The following USP8 variants were observed in gnomAD, a reference collection of about 807,000 sequenced individuals.
USP8 encodes ubiquitin carboxyl-terminal hydrolase 8.
Under a neutral mutation model 130.0 loss-of-function variants are expected in USP8, and 27 were observed. The ratio of observed to expected loss-of-function variants is 0.21; its 90% confidence interval spans 0.15 to 0.29. USP8 has a LOEUF of 0.29. Ranked by LOEUF, USP8 falls within the 10% of genes least tolerant of loss-of-function variation. The probability of loss-of-function intolerance (pLI) is 1.00; values close to 1 mark genes in which losing one functional copy is unlikely to be tolerated. For synonymous variants in USP8, 392 were observed against 444.1 expected, an observed-to-expected ratio of 0.88 and a Z score of 1.48; for missense variants, 1,029 against 1,312.2, an observed-to-expected ratio of 0.78 and a Z score of 3.33.
At chr15:50,437,100 G>A (rs1365921140) in intron 1 of USP8, among the ~76,000 whole-genome samples, 1 of 151,816 alleles carries the variant, frequency 6.6e-6, no homozygotes, top group Admixed American at 6.6e-5. Flanking sequence ...ATTTATGTAT[G>A]TTGCATTGCT....
chr15:50,474,742 G>A (rs925286307), intron 8 of USP8, among the ~76,000 whole-genome samples: 3 of 152,116 alleles, frequency 2.0e-5, no homozygotes, highest in Non-Finnish European at 2.9e-5. Context: ...TTGAAACAGC[G>A]AACTATTAGG....
intron 3 of USP8, among the ~76,000 whole-genome samples, chr15:50,448,772 G>A (rs949852883): frequency 6.6e-6 from 1 of 151,876 alleles, no homozygotes; most frequent in Non-Finnish European, 1.5e-5. Context: ...TGCCCGCCTC[G>A]GCCTCCCAAA....
rs1289888591 is a variant in USP8, at chr15:50,484,135, A to G, written c.1804-140A>G. 3 of 565,016 alleles carry G rather than the reference A, an allele frequency of 5.3e-6. No individual in the cohort carries two copies. In the African/African-American group the frequency reaches 5.9e-5, roughly 11 times the overall value. The allele number at this position is 565,016 out of a possible 1,614,324, so 35.0% of individuals were successfully genotyped here. A position where few individuals can be genotyped will look rare whatever the true frequency, so the allele number is the denominator to read the frequency against. On this transcript the variant is annotated intron_variant, in intron 11 of 19. Transcript: ENST00000307179. ...TAAGTATTTTGAATGTGACAGTAAAATATAATAAAATTTTCAGAGGCCTTT... is the reference window on the plus strand; with the variant it reads ...TAAGTATTTTGAATGTGACAGTAAAGTATAATAAAATTTTCAGAGGCCTTT...
intron 4 of USP8, among the ~76,000 whole-genome samples, chr15:50,456,163 C>T (rs1417711074): frequency 2.6e-5 from 4 of 152,036 alleles, no homozygotes; most frequent in East Asian, 3.9e-4. Flanking sequence ...TTTTTTAAGG[C>T]GAAAGGATAG....
chr15:50,479,415 G>A (rs2051685994), intron 10 of USP8, among the ~76,000 whole-genome samples: 1 of 152,140 alleles, frequency 6.6e-6, no homozygotes, highest in Non-Finnish European at 1.5e-5. Context: ...TAGTAGATAA[G>A]ATTAGAAGGA....
chr15:50,474,001 A>G (rs1264885154), intron 8 of USP8, among the ~76,000 whole-genome samples: 1 of 151,370 alleles, frequency 6.6e-6, no homozygotes, highest in East Asian at 1.9e-4. Flanking sequence ...ATGCACAGCT[A>G]ATTTTTTACT....
In USP8 at chr15:50,458,109, G is replaced by A. The variant is rs543955052; in HGVS notation, c.336-891G>A. Among the ~76,000 whole-genome samples, 115 of 152,114 alleles carry A rather than the reference G, an allele frequency of 7.6e-4. 1 individual carries two copies. The highest frequency in any genetic ancestry group is 6.8e-3 in the Middle Eastern group (2 of 294). On this transcript the variant is annotated intron_variant, in intron 4 of 19. Coordinates refer to ENST00000307179, the MANE Select transcript of USP8 (RefSeq NM_005154.5). ...AACAAGATTGCAGGTCTATGATAAC[G>A]TACAGTCTGTCCTGGCAATAATAGC... is the stretch of plus-strand genomic sequence containing the variant.
rs1227089372 is a variant in USP8, at chr15:50,505,110, AAGTTCTAGG to A, written c.*6025_*6033del. The A allele has an allele frequency of 1.3e-5, 2 of 152,190 alleles. No individual in the cohort carries two copies. Among genetic ancestry groups the A allele is most frequent in the African/African-American group, 2.4e-5 (1 of 41,452 alleles). 9.4% of individuals were successfully genotyped at this position (152,190 alleles called of 1,614,324 possible). A position where few individuals can be genotyped will look rare whatever the true frequency, so the allele number is the denominator to read the frequency against. Reference sequence around the variant, plus strand: ...AGAATATTCAGCGTATGTCCTGTAGAAGTTCTAGGAGGAGAGAATCGAGTAGGGGAGCAA... The same window carrying A: ...AGAATATTCAGCGTATGTCCTGTAGAAGGAGAGAATCGAGTAGGGGAGCAA... On this transcript the variant is annotated 3_prime_UTR_variant, in exon 20 of 20. Transcript: ENST00000307179.
intron 1 of USP8, among the ~76,000 whole-genome samples, chr15:50,430,963 G>C (rs2049911211): frequency 6.6e-6 from 1 of 152,164 alleles, no homozygotes; most frequent in South Asian, 2.1e-4. Flanking sequence ...GTCTAGTAGA[G>C]GTTAGGGATG....
At chr15:50,438,858 G>A (rs2050162291) in intron 1 of USP8, among the ~76,000 whole-genome samples, 151 bp from the exon 2 acceptor site, 1 of 151,932 alleles carries the variant, frequency 6.6e-6, no homozygotes, top group African/African-American at 2.4e-5. Flanking sequence ...CTCATATTCT[G>A]CATATCTTAA....
At chr15:50,484,391 A>G (rs771346618) in intron 12 of USP8, 30 bp downstream of exon 12, 50 of 1,534,790 alleles carry the variant, frequency 3.3e-5, no homozygotes, top group Non-Finnish European at 4.2e-5. Context: ...AAAAAACTGG[A>G]AAAAAAAGCC....
In USP8 at chr15:50,504,517, T is replaced by C. The variant is rs1249351171; in HGVS notation, c.*5429T>C. 1 of 152,190 alleles carries C rather than the reference T, an allele frequency of 6.6e-6. No homozygotes were observed. The highest frequency in any genetic ancestry group is 2.4e-5 in the African/African-American group (1 of 41,414). The allele number at this position is 152,190 out of a possible 1,614,324, so 9.4% of individuals were successfully genotyped here. On this transcript the variant is annotated 3_prime_UTR_variant, in exon 20 of 20. Transcript: ENST00000307179. ...CCAGCCTGGCAACAGAATGAGACCTTGTCTCAAAAAACAAAAACAAAAAAC... is the reference window on the plus strand; with the variant it reads ...CCAGCCTGGCAACAGAATGAGACCTCGTCTCAAAAAACAAAAACAAAAAAC...
chr15:50,448,149 A>G (rs2050501666), intron 3 of USP8, among the ~76,000 whole-genome samples: 1 of 152,194 alleles, frequency 6.6e-6, no homozygotes, highest in Admixed American at 6.5e-5. Flanking sequence ...ATATGTTTAT[A>G]TGGCTCCACC....
intron 8 of USP8, among the ~76,000 whole-genome samples, chr15:50,476,271 G>A (rs1227268230): frequency 6.6e-6 from 1 of 152,082 alleles, no homozygotes; most frequent in Non-Finnish European, 1.5e-5. Context: ...CTCACGAAAA[G>A]TACAAAAATT....
At chr15:50,441,969 C>CTTTTTTTTTTTTTTTTTTTTTTTTTTT (rs1011150634) in intron 3 of USP8, among the ~76,000 whole-genome samples, 4 of 81,438 alleles carry the variant, frequency 4.9e-5, no homozygotes, top group Non-Finnish European at 6.6e-5. Context: ...CTCCCTAAAT[C>CTTTTTTTTTTTTTTTTTTTTTTTTTTT]TTTTTTTTTT....
At chr15:50,488,211 G>A (rs1047716344) in intron 12 of USP8, among the ~76,000 whole-genome samples, 37 of 152,044 alleles carry the variant, frequency 2.4e-4, no homozygotes, top group African/African-American at 8.9e-4. Context: ...TAATGAAGAT[G>A]TTTTCTTCTT....
intron 12 of USP8, among the ~76,000 whole-genome samples, chr15:50,485,128 A>G (rs1287618536): frequency 6.6e-6 from 1 of 152,172 alleles, no homozygotes; most frequent in Admixed American, 6.5e-5. Flanking sequence ...ATTTTATGTT[A>G]TGTGTATTTC....
intron 1 of USP8, among the ~76,000 whole-genome samples, chr15:50,430,143 C>G (rs1567593209): frequency 6.6e-6 from 1 of 152,128 alleles, no homozygotes; most frequent in Non-Finnish European, 1.5e-5. Flanking sequence ...CCCTGTATCA[C>G]AACACTGCAC....
chr15:50,461,222 C>T (rs1272316549), intron 5 of USP8, among the ~76,000 whole-genome samples: 2 of 152,052 alleles, frequency 1.3e-5, no homozygotes, highest in African/African-American at 4.8e-5. Context: ...GAACTCCCAA[C>T]CTCAGGTGAC....
Sources: gnomAD v4.1 joint callset for allele counts (sites outside exome capture counted in the v4.1 genomes callset) on GRCh38, gnomAD v4.1.1 for gene constraint, MANE v1.5 for transcripts, NCBI Gene and HGNC (gene_info 2026-07-23, HGNC 2026-07-21) for gene names.